Variants in ZNF142 observed in about 807,000 individuals in gnomAD.
ZNF142 encodes the protein zinc finger protein 142, also known as zinc finger protein 142 (clone pHZ-49).
In ZNF142, 96 loss-of-function variants were observed where a neutral mutation model predicts 132.1. That is an observed-to-expected ratio of 0.73 (90% CI 0.62 to 0.86). The LOEUF is 0.86. Among genes scored for constraint, ZNF142 ranks in the 40% least tolerant of loss-of-function variants. ZNF142 has a pLI of 0.00. For synonymous variants in ZNF142, 842 were observed against 890.1 expected, an observed-to-expected ratio of 0.95 and a Z score of 0.96; for missense variants, 2,163 against 2,336.2, an observed-to-expected ratio of 0.93 and a Z score of 1.53.
intron 5 of ZNF142, 109 bp from the exon 6 acceptor site, chr2:218,650,635 T>G: frequency 9.0e-7 from 1 of 1,112,010 alleles, no homozygotes; most frequent in Non-Finnish European, 1.2e-6. Flanking sequence ...ACTTTTAGCA[T>G]AAGGAGATCT....
chr2:218,634,567 C>T lies in ZNF142; in HGVS notation c.*3772G>A, dbSNP rs1696600742. 6.2e-7 allele frequency: 1 copy of T among 1,613,900 alleles called. No individual in the cohort carries two copies. Among genetic ancestry groups the T allele is most frequent in the South Asian group, 1.1e-5 (1 of 91,088 alleles). On this transcript the variant is annotated 3_prime_UTR_variant, in exon 11 of 11. Transcript: ENST00000411696. The surrounding 1 kb of genome is among the most constrained non-coding windows in gnomAD (Gnocchi z 4.0). ...TGAAGCCAGACTTCCTGCGTGATAT[C>T]CAGAGTTCTTTCCACCCTGAGAAGC...
rs1260775686 is a variant in ZNF142 at position 218,644,379 on chromosome 2, C to G, written c.2737G>C (p.Glu913Gln). Residue 913 changes from glutamate to glutamine, a missense_variant, in exon 9 of 11, where the codon GAG (glutamate) becomes CAG (glutamine). Physicochemically the swap from Glu to Gln is conservative, Grantham distance 29. Transcript: ENST00000411696. The surrounding 1 kb of genome is among the most constrained non-coding windows in gnomAD (Gnocchi z 4.6). ...ATAGGGGCTGTTTCAGTGACCTCCT[C>G]AAGGGGTGGCTCAGTCACAGACTCC... The part of the protein sequence containing the change: ...ELESVTEPPL[E>Q]EVTETAPMEF... 5.0e-6 allele frequency: 8 copies of G among 1,614,126 alleles called. No homozygotes were observed. Among genetic ancestry groups the G allele is most frequent in the Non-Finnish European group, 6.8e-6 (8 of 1,180,006 alleles).
chr2:218,642,449 C>T lies in ZNF142; in HGVS notation c.4667G>A (p.Cys1556Tyr), dbSNP rs1212505836. 1 of 1,612,388 alleles carries T rather than the reference C, an allele frequency of 6.2e-7. No homozygotes were observed. Among genetic ancestry groups the T allele is most frequent in the East Asian group, 2.2e-5 (1 of 44,864 alleles). The stretch of plus-strand genomic sequence containing the variant: ...AGGGAAGGCCTCCTGGCAGGCCCCA[C>T]ACTCAAGCCGTGGGTGCTGTTTACG... ...HTRKQHPRLE[C>Y]GACQEAFPSR... Residue 1556 changes from cysteine to tyrosine, a missense_variant, in exon 9 of 11, where the codon TGT (cysteine) becomes TAT (tyrosine). Physicochemically the swap from Cys to Tyr is radical, Grantham distance 194. Transcript: ENST00000411696. This position sits in a 1 kb window ranked among gnomAD's most constrained non-coding sequence, Gnocchi z 4.6.
chr2:218,637,056 G>T lies in ZNF142; in HGVS notation c.*1283C>A, dbSNP rs1481444428. 2.6e-6 allele frequency: 1 copy of T among 392,040 alleles called. No individual in the cohort carries two copies. The highest frequency in any genetic ancestry group is 2.1e-5 in the African/African-American group (1 of 47,756). 24.3% of individuals were successfully genotyped at this position (392,040 alleles called of 1,614,324 possible). On this transcript the variant is annotated 3_prime_UTR_variant, in exon 11 of 11. Coordinates refer to ENST00000411696, the MANE Select transcript of ZNF142 (RefSeq NM_001379659.1). ...CAAGGCTTCCCCAGCAAAGATTAGG[G>T]AAAGAGACTTGACCCCAGGACTGTA...
In ZNF142 at chr2:218,644,323, T is replaced by C; in HGVS notation, c.2793A>G (p.Pro931=). ...ATAGCTCTGGTCCTTCCAGTCCATCTGGCCCTTCCAGTCCCAGGGGCCTGA... is the reference window on the plus strand; with the variant it reads ...ATAGCTCTGGTCCTTCCAGTCCATCCGGCCCTTCCAGTCCCAGGGGCCTGA... The part of the protein sequence containing the change: ...MEFRPLGLEG[P]DGLEGPELSS... The change falls in exon 9 of 11, where the codon CCA becomes CCG. Residue 931 remains proline, a synonymous_variant. Transcript: ENST00000411696. This position sits in a 1 kb window ranked among gnomAD's most constrained non-coding sequence, Gnocchi z 4.6. 1 of 1,614,156 alleles carries C rather than the reference T, an allele frequency of 6.2e-7. No homozygotes were observed. Among genetic ancestry groups the C allele is most frequent in the East Asian group, 2.2e-5 (1 of 44,882 alleles).
intron 7 of ZNF142, among the ~76,000 whole-genome samples, chr2:218,647,422 C>CAAAAAAAAAAA (rs35920609): frequency 1.6e-4 from 6 of 38,658 alleles, no homozygotes; most frequent in Non-Finnish European, 2.3e-4. Context: ...GACTCCATCT[C>CAAAAAAAAAAA]AAAAAAAAAA....
Position 218,638,512 on chromosome 2 carries a change from T to G in ZNF142, c.5491A>C (p.Lys1831Gln), listed in dbSNP as rs750142144. 1.9e-6 allele frequency: 3 copies of G among 1,607,476 alleles called. No homozygotes were observed. The highest frequency in any genetic ancestry group is 2.6e-6 in the Non-Finnish European group (3 of 1,175,306). ...TGCTTGACCACCTGGAACTTTTGCT[T>G]GGCCTTGTAGTTGCAGAGGCGGCAA... ...FFCRLCNYKA[K>Q]QKFQVVKHVR... The change falls in exon 11 of 11, where the codon AAG becomes CAG. Residue 1831 changes from lysine (K) to glutamine (Q), a missense_variant. Physicochemically the swap from Lys to Gln is moderately conservative, Grantham distance 53 (BLOSUM62 1). Around this residue, in one of 7 missense-constraint regions of ZNF142, gnomAD observed 325 missense variants for 367.8 expected, o/e 0.88. Coordinates refer to ENST00000411696, the MANE Select transcript of ZNF142 (RefSeq NM_001379659.1).
Position 218,635,668 on chromosome 2 carries a change from A to G in ZNF142, c.*2671T>C. The stretch of plus-strand genomic sequence containing the variant: ...TTTTAAATTGCAGATAGAATACTAG[A>G]AGAAAATATATTACCCATGGAGGAT... On this transcript the variant is annotated 3_prime_UTR_variant, in exon 11 of 11. Coordinates refer to ENST00000411696, the MANE Select transcript of ZNF142 (RefSeq NM_001379659.1). 3 of 1,311,424 alleles carry G rather than the reference A, an allele frequency of 2.3e-6. No individual in the cohort carries two copies. The highest frequency in any genetic ancestry group is 3.1e-6 in the Non-Finnish European group (3 of 973,502). The allele number at this position is 1,311,424 out of a possible 1,614,324, so 81.2% of individuals were successfully genotyped here. A position where few individuals can be genotyped will look rare whatever the true frequency, so the allele number is the denominator to read the frequency against.
chr2:218,646,333 T>C lies in ZNF142; in HGVS notation c.1889A>G (p.Lys630Arg). Residue 630 changes from lysine to arginine, a missense_variant, in exon 8 of 11, where the codon AAG becomes AGG. Transcript: ENST00000411696. ...MLLHTGEKPH[K>R]CELCDFTCRD... is the part of the protein sequence containing the mutation. ...GCATGTGAAGTCACACAGCTCACAC[T>C]TGTGGGGCTTCTCACCTTATATGGG... 2.5e-6 allele frequency: 4 copies of C among 1,614,182 alleles called. No homozygotes were observed. Among genetic ancestry groups the C allele is most frequent in the East Asian group, 2.2e-5 (1 of 44,882 alleles).
In ZNF142 at chr2:218,633,869, T is replaced by A; in HGVS notation, c.*4470A>T. On this transcript the variant is annotated 3_prime_UTR_variant, in exon 11 of 11. Transcript: ENST00000411696. ...AAAAGACAAGGTAGCTAAGGAGAGA[T>A]GAAGGAGTTCAGAAACTCCTTAGAG... 2.2e-6 allele frequency: 3 copies of A among 1,380,806 alleles called. No individual in the cohort carries two copies. The highest frequency in any genetic ancestry group is 2.0e-6 in the Non-Finnish European group (2 of 998,232). The allele number at this position is 1,380,806 out of a possible 1,614,324, so 85.5% of individuals were successfully genotyped here.
intron 3 of ZNF142, among the ~76,000 whole-genome samples, chr2:218,657,947 G>A (rs892102393): frequency 5.3e-5 from 8 of 152,068 alleles, no homozygotes; most frequent in Non-Finnish European, 8.8e-5. Flanking sequence ...ACCCACAATC[G>A]AAGATTCCAG....
Position 218,651,997 on chromosome 2 carries a change from CAGG to C in ZNF142, c.581_583del (p.Ser194del). 1.4e-6 allele frequency: 1 copy of C among 720,798 alleles called. No homozygotes were observed. Among genetic ancestry groups the C allele is most frequent in the Non-Finnish European group, 2.1e-6 (1 of 468,776 alleles). 44.7% of individuals were successfully genotyped at this position (720,798 alleles called of 1,614,324 possible). ...AGAGAACACACAGCCAGATTCTGGG[CAGG>C]AGAAGGTGTCAGGAGTGCCCCGGTG... is the stretch of plus-strand genomic sequence containing the variant. On this transcript the variant is annotated inframe_deletion, in exon 5 of 11. Transcript: ENST00000411696.
Position 218,633,383 on chromosome 2 carries a change from C to G in ZNF142, c.*4956G>C, listed in dbSNP as rs1266112393. On this transcript the variant is annotated 3_prime_UTR_variant, in exon 11 of 11. Transcript: ENST00000411696. ...CCGCCTTTATTCCCATTCCCACCCC[C>G]AGGTTGTGACGTGCCCGCTGTTTTG... 1 of 706,820 alleles carries G rather than the reference C, an allele frequency of 1.4e-6. No homozygotes were observed. Among genetic ancestry groups the G allele is most frequent in the African/African-American group, 1.7e-5 (1 of 57,426 alleles). The allele number at this position is 706,820 out of a possible 1,614,324, so 43.8% of individuals were successfully genotyped here.
chr2:218,639,777 C>T (rs114643068), intron 10 of ZNF142, among the ~76,000 whole-genome samples: 5,240 of 147,968 alleles, frequency 0.035, 314 homozygotes, highest in African/African-American at 0.12. Context: ...TAGGAGGGGC[C>T]GAGCATGGTG....
In ZNF142 at chr2:218,649,346, C is replaced by G. The variant is rs1937757745; in HGVS notation, c.1162G>C (p.Asp388His). 5.6e-6 allele frequency: 9 copies of G among 1,614,174 alleles called. No homozygotes were observed. Among genetic ancestry groups the G allele is most frequent in the Non-Finnish European group, 7.6e-6 (9 of 1,180,034 alleles). ...LVEHLHLHFP[D>H]PSLQCPNCQK... is the part of the protein sequence containing the mutation. ...CAGTTAGGGCACTGGAGGCTGGGGT[C>G]TGGGAAGTGGAGATGCAGGTGCTCC... The change falls in exon 7 of 11, where the codon GAC becomes CAC. Residue 388 changes from aspartate (D) to histidine (H), a missense_variant. By Grantham distance (81) the Asp-to-His change is moderately conservative. This residue lies in a region of ZNF142 where 749 missense variants were observed against 830.3 expected (regional missense o/e 0.90). Coordinates refer to ENST00000411696, the MANE Select transcript of ZNF142 (RefSeq NM_001379659.1).
Position 218,643,772 on chromosome 2 carries a change from G to T in ZNF142, c.3344C>A (p.Thr1115Asn). Reference sequence around the variant, plus strand: ...ACTTTCTGTGTCCTCTGAGGCCTGGGTACCTGGGAGCACAGGTTGCAGAGG... The same window carrying T: ...ACTTTCTGTGTCCTCTGAGGCCTGGTTACCTGGGAGCACAGGTTGCAGAGG... ...PIPLQPVLPG[T>N]QASEDTESGK... The change falls in exon 9 of 11, where the codon ACC (threonine) becomes AAC (asparagine). Residue 1115 changes from threonine (T) to asparagine (N), a missense_variant. Thr to Asn is a moderately conservative substitution (Grantham distance 65, BLOSUM62 0). Transcript: ENST00000411696. The T allele has an allele frequency of 6.2e-7, 1 of 1,611,816 alleles. No individual in the cohort carries two copies. The highest frequency in any genetic ancestry group is 2.2e-5 in the East Asian group (1 of 44,850).
rs6758804 is a variant in ZNF142 at position 218,653,572 on chromosome 2, T to C, written c.281-1272A>G. ...CCTGGGTGACAAGAGTGAAACTCTA[T>C]CTCAAAAAAAAAAAAAAATTTCAGT... On this transcript the variant is annotated intron_variant, in intron 4 of 10. Coordinates refer to ENST00000411696, the MANE Select transcript of ZNF142 (RefSeq NM_001379659.1). Among the ~76,000 whole-genome samples the C allele has an allele frequency of 1.5e-4, 14 of 91,216 alleles. 1 individual carries two copies. In the Admixed American group the frequency reaches 1.6e-3, roughly 10 times the overall value. The allele number at this position is 91,216 out of a possible 152,430, so 59.8% of individuals were successfully genotyped here.
Position 218,647,422 on chromosome 2 carries a change from C to CAAAAAAAAAAAAAAAAAAA in ZNF142, c.1874-1075_1874-1074insTTTTTTTTTTTTTTTTTTT, listed in dbSNP as rs35920609. Among the ~76,000 whole-genome samples the CAAAAAAAAAAAAAAAAAAA allele has an allele frequency of 4.7e-3, 182 of 38,592 alleles. 51 individuals carry two copies. The Middle Eastern group carries it at 0.083, about 18-fold the overall frequency. The allele number at this position is 38,592 out of a possible 152,430, so 25.3% of individuals were successfully genotyped here. ...TGAGCAACAGAGCCAGACTCCATCTCAAAAAAAAAAAAAGCCTCCTCCCCT... is the reference window on the plus strand; with the variant it reads ...TGAGCAACAGAGCCAGACTCCATCTCAAAAAAAAAAAAAAAAAAAAAAAAAAAAAAAAGCCTCCTCCCCT... On this transcript the variant is annotated intron_variant, in intron 7 of 10. Transcript: ENST00000411696.
In ZNF142 at chr2:218,637,948, C is replaced by T. The variant is rs1696849548; in HGVS notation, c.*391G>A. ...TTAACATGCTTTATAGAGCATTAGG[C>T]ACAACAGCACATGCGGTTAGATACA... On this transcript the variant is annotated 3_prime_UTR_variant, in exon 11 of 11. Transcript: ENST00000411696. 1 of 167,294 alleles carries T rather than the reference C, an allele frequency of 6.0e-6. No homozygotes were observed. Among genetic ancestry groups the T allele is most frequent in the Admixed American group, 6.4e-5 (1 of 15,686 alleles). The allele number at this position is 167,294 out of a possible 1,614,324, so 10.4% of individuals were successfully genotyped here. A position where few individuals can be genotyped will look rare whatever the true frequency, so the allele number is the denominator to read the frequency against.
Sources: gnomAD v4.1 joint callset for allele counts (sites outside exome capture counted in the v4.1 genomes callset) on GRCh38, gnomAD v4.1.1 for gene constraint, gnomAD v4.1.1 regional missense constraint, Gnocchi (gnomAD v3.1) non-coding constraint, MANE v1.5 for transcripts, NCBI Gene and HGNC (gene_info 2026-07-23, HGNC 2026-07-21) for gene names.